Variants in RAB27B observed in about 807,000 individuals in gnomAD.
RAB27B encodes ras-related protein Rab-27B.
In RAB27B, 15 loss-of-function variants were observed where a neutral mutation model predicts 24.6. That is an observed-to-expected ratio of 0.61 (90% CI 0.41 to 0.94). The LOEUF is 0.94. Among genes scored for constraint, RAB27B ranks in the 40% least tolerant of loss-of-function variants. RAB27B has a pLI of 0.00. For missense variants in RAB27B, 261 were observed against 266.8 expected (o/e 0.98, Z 0.15); for synonymous variants, 105 against 92.5 (o/e 1.14, Z -0.78).
chr18:54,759,985 C>T (rs1908132023), intron 2 of RAB27B, among the ~76,000 whole-genome samples: 1 of 152,166 alleles, frequency 6.6e-6, no homozygotes, highest in African/African-American at 2.4e-5. Context: ...TCCTGGACAC[C>T]AAACAAGAGC....
chr18:54,877,616 A>G lies in RAB27B; in HGVS notation c.31A>G (p.Lys11Glu). 6.3e-7 allele frequency: 1 copy of G among 1,587,672 alleles called. No individual in the cohort carries two copies. The highest frequency in any genetic ancestry group is 8.5e-7 in the Non-Finnish European group (1 of 1,172,390). The part of the protein sequence containing the change: MTDGDYDYLI[K>E]LLALGDSGVG... ...CGATGGAGACTATGATTATCTGATC[A>G]AACTCCTGGCCCTCGGGGATTCAGG... Residue 11 changes from lysine (K) to glutamate (E), a missense_variant, in exon 2 of 6, where the codon AAA becomes GAA. By Grantham distance (56) the Lys-to-Glu change is moderately conservative. Transcript: ENST00000262094.
At chr18:54,855,626 C>T in intron 1 of RAB27B, among the ~76,000 whole-genome samples, 1 of 152,232 alleles carries the variant, frequency 6.6e-6, no homozygotes, top group East Asian at 1.9e-4. Context: ...CATATTTTTG[C>T]TGAGCATGGT....
At chr18:54,862,102 C>T (rs974393225) in intron 1 of RAB27B, among the ~76,000 whole-genome samples, 4 of 150,964 alleles carry the variant, frequency 2.6e-5, no homozygotes, top group Admixed American at 2.6e-4. Context: ...TTGAGTCATG[C>T]ACCAACTTAA....
At chr18:54,863,754 A>G (rs1297028428) in intron 1 of RAB27B, among the ~76,000 whole-genome samples, 1 of 152,248 alleles carries the variant, frequency 6.6e-6, no homozygotes, top group Non-Finnish European at 1.5e-5. Flanking sequence ...TCATATAAGT[A>G]GAATCATAAA....
intron 1 of RAB27B, among the ~76,000 whole-genome samples, chr18:54,852,312 T>G (rs996761371): frequency 6.6e-6 from 1 of 152,128 alleles, no homozygotes; most frequent in Admixed American, 6.6e-5. Flanking sequence ...GTTAAAGAAA[T>G]TGTTCAAGCC....
intron 3 of RAB27B, 145 bp downstream of exon 3, chr18:54,879,599 T>C: frequency 1.4e-6 from 1 of 697,798 alleles, no homozygotes; most frequent in South Asian, 1.8e-5. Flanking sequence ...GAAATAAAAA[T>C]AAATGATTTG....
chr18:54,777,770 C>A (rs759909281), intron 2 of RAB27B, among the ~76,000 whole-genome samples: 10 of 152,220 alleles, frequency 6.6e-5, no homozygotes, highest in Non-Finnish European at 1.3e-4. Context: ...TTCCTTTATG[C>A]TGTAATAAAA....
intron 2 of RAB27B, among the ~76,000 whole-genome samples, chr18:54,816,740 A>G (rs867345337): frequency 2.6e-5 from 4 of 152,306 alleles, no homozygotes; most frequent in Middle Eastern, 3.4e-3. Flanking sequence ...CATTTTGTCC[A>G]TTAATGAGTT....
At chr18:54,826,198 A>T (rs1363144266), upstream of RAB27B, among the ~76,000 whole-genome samples, 1 of 152,232 alleles carries the variant, frequency 6.6e-6, no homozygotes, top group Non-Finnish European at 1.5e-5. Context: ...ATTAATGTTT[A>T]CCTCAGTGCC....
intron 2 of RAB27B, among the ~76,000 whole-genome samples, chr18:54,814,352 ATTTG>A (rs1910058806): frequency 6.6e-6 from 1 of 152,002 alleles, no homozygotes. Context: ...ATAAATTAGT[ATTTG>A]TTTGAACATT....
At chr18:54,800,074 G>T (rs1252862941) in intron 2 of RAB27B, among the ~76,000 whole-genome samples, 1 of 152,082 alleles carries the variant, frequency 6.6e-6, no homozygotes, top group Non-Finnish European at 1.5e-5. Context: ...CTGTCCCTCA[G>T]CTCTTCCATC....
intron 2 of RAB27B, among the ~76,000 whole-genome samples, chr18:54,751,221 A>G (rs1907820660): frequency 6.6e-6 from 1 of 152,146 alleles, no homozygotes; most frequent in Admixed American, 6.6e-5. Flanking sequence ...AGTGCTGAAG[A>G]GGATGGTAGC....
chr18:54,839,266 CAA>C (rs1911016458), intron 1 of RAB27B, among the ~76,000 whole-genome samples: 1 of 152,064 alleles, frequency 6.6e-6, no homozygotes, highest in African/African-American at 2.4e-5. Context: ...GTAAGAAAAT[CAA>C]AAGTTTTAGT....
intron 5 of RAB27B, 29 bp from the exon 6 acceptor site, chr18:54,889,195 A>G (rs1296310184): frequency 1.9e-6 from 3 of 1,577,182 alleles, no homozygotes; most frequent in Non-Finnish European, 2.6e-6. Flanking sequence ...TCTTCCTCTC[A>G]AAAATATTTG....
At chr18:54,729,134 A>T (rs1294985631) in intron 2 of RAB27B, among the ~76,000 whole-genome samples, 1 of 152,076 alleles carries the variant, frequency 6.6e-6, no homozygotes, top group Non-Finnish European at 1.5e-5. Flanking sequence ...AACATCAAGG[A>T]GACAGTCTAC....
chr18:54,847,944 A>G (rs1401085149), intron 1 of RAB27B, among the ~76,000 whole-genome samples: 1 of 152,274 alleles, frequency 6.6e-6, no homozygotes, highest in Non-Finnish European at 1.5e-5. Context: ...AATCACGCAG[A>G]TTCAGACACT....
At chr18:54,736,740 G>C (rs1287820293) in intron 2 of RAB27B, among the ~76,000 whole-genome samples, 3 of 152,132 alleles carry the variant, frequency 2.0e-5, no homozygotes, top group African/African-American at 7.2e-5. Context: ...GGGGGTTTTG[G>C]AGGGAATTGA....
intron 2 of RAB27B, among the ~76,000 whole-genome samples, chr18:54,724,443 G>T (rs1909464551): frequency 1.3e-5 from 2 of 151,472 alleles, no homozygotes; most frequent in Admixed American, 1.3e-4. Flanking sequence ...CGTATTACTG[G>T]CTGGGTGCCG....
intron 2 of RAB27B, among the ~76,000 whole-genome samples, chr18:54,737,012 T>A (rs1302670790): frequency 4.6e-5 from 7 of 152,124 alleles, no homozygotes; most frequent in Non-Finnish European, 7.4e-5. Context: ...GAGAACAAAT[T>A]GGTGCAGATT....
Sources: gnomAD v4.1 joint callset for allele counts (sites outside exome capture counted in the v4.1 genomes callset) on GRCh38, gnomAD v4.1.1 for gene constraint, MANE v1.5 for transcripts, NCBI Gene and HGNC (gene_info 2026-07-23, HGNC 2026-07-21) for gene names.